GMDS: variants seen among roughly 807,000 people sequenced by gnomAD.
GMDS encodes the protein GDP-mannose 4,6 dehydratase.
In GMDS, 20 loss-of-function variants were observed where a neutral mutation model predicts 49.9. That is an observed-to-expected ratio of 0.40 (90% confidence interval 0.28 to 0.58). The LOEUF (loss-of-function observed/expected upper bound fraction) is 0.58. Among genes scored for constraint, GMDS ranks in the 20% least tolerant of loss-of-function variants. GMDS has a pLI of 0.42. For missense variants in GMDS, 362 were observed against 481.4 expected (o/e 0.75, Z 2.32); for synonymous variants, 177 against 178.6 (o/e 0.99, Z 0.07).
chr6:1,959,270 G>A (rs566686568), intron 6 of GMDS, among the ~76,000 whole-genome samples: 96 of 152,264 alleles, frequency 6.3e-4, no homozygotes, highest in African/African-American at 2.2e-3. Flanking sequence ...TGAGGTGACA[G>A]ATATGCTAAT....
At chr6:2,046,118 T>C (rs1267148456) in intron 4 of GMDS, among the ~76,000 whole-genome samples, 1 of 151,976 alleles carries the variant, frequency 6.6e-6, no homozygotes, top group Non-Finnish European at 1.5e-5. Context: ...GAGGCTGAGG[T>C]GGGAGGATCG....
chr6:1,915,103 C>A (rs541126296), intron 7 of GMDS, among the ~76,000 whole-genome samples: 1 of 152,342 alleles, frequency 6.6e-6, no homozygotes, highest in South Asian at 2.1e-4. Context: ...ACTGTATCTG[C>A]AGAGAATATG....
At chr6:2,218,708 T>C (rs1456123954) in intron 1 of GMDS, among the ~76,000 whole-genome samples, 1 of 152,214 alleles carries the variant, frequency 6.6e-6, no homozygotes, top group African/African-American at 2.4e-5. Context: ...TCTATATATC[T>C]TAATGTGCAT....
chr6:1,821,548 C>T (rs1021797668), intron 7 of GMDS, among the ~76,000 whole-genome samples: 1 of 149,276 alleles, frequency 6.7e-6, no homozygotes, highest in Non-Finnish European at 1.5e-5. Context: ...ACATTCCAAA[C>T]GTTTTAATAT....
At chr6:1,662,727 GA>G (rs1468123176) in intron 9 of GMDS, among the ~76,000 whole-genome samples, 1 of 152,130 alleles carries the variant, frequency 6.6e-6, no homozygotes, top group Non-Finnish European at 1.5e-5. Context: ...AAGATGAGCT[GA>G]AAAAAATCAT....
chr6:2,100,036 A>G (rs189503015), intron 4 of GMDS, among the ~76,000 whole-genome samples: 20 of 152,206 alleles, frequency 1.3e-4, no homozygotes, highest in Admixed American at 1.2e-3. Context: ...CCAAAGCCTC[A>G]CATCCTATTT....
At chr6:1,958,726 C>T (rs1009626420) in intron 6 of GMDS, among the ~76,000 whole-genome samples, 1 of 151,582 alleles carries the variant, frequency 6.6e-6, no homozygotes, top group African/African-American at 2.4e-5. Context: ...TAAAATTTCA[C>T]GGAAAAATTA....
chr6:2,139,444 C>T (rs999824719), intron 1 of GMDS, among the ~76,000 whole-genome samples: 6 of 152,210 alleles, frequency 3.9e-5, no homozygotes, highest in African/African-American at 1.2e-4. Flanking sequence ...CTGCTTCCAT[C>T]TTAAAAATCC....
chr6:2,166,851 C>A (rs1037321147), intron 1 of GMDS, among the ~76,000 whole-genome samples: 1 of 152,194 alleles, frequency 6.6e-6, no homozygotes, highest in Non-Finnish European at 1.5e-5. Context: ...ACCTAGTGAG[C>A]AAAACCCCAA....
rs116299539 is a variant in GMDS at position 1,702,595 on chromosome 6, C to T, written c.987+23821G>A. ...AGAGAGCCTTGGAGAGAAGCCACCA[C>T]GTTGTCCCTCTGTGGGTCCCCCAGC... On this transcript the variant is annotated intron_variant, in intron 9 of 10. Transcript: ENST00000380815. Among the ~76,000 whole-genome samples the T allele has an allele frequency of 2.4e-3, 369 of 152,316 alleles. 1 individual carries two copies. Among genetic ancestry groups the T allele is most frequent in the African/African-American group, 8.4e-3 (348 of 41,568 alleles).
At chr6:1,759,389 A>C (rs866467368) in intron 7 of GMDS, among the ~76,000 whole-genome samples, 17 of 152,244 alleles carry the variant, frequency 1.1e-4, no homozygotes, top group African/African-American at 3.4e-4. Flanking sequence ...TAAGTGTTAG[A>C]GCTGGGGCTG....
chr6:1,743,521 C>T (rs866095891), intron 7 of GMDS, among the ~76,000 whole-genome samples: 79 of 119,174 alleles, frequency 6.6e-4, no homozygotes, highest in African/African-American at 2.2e-3. Flanking sequence ...CCAGCCTGGA[C>T]GACAGAACCA....
chr6:1,898,317 G>A (rs1172253882), intron 7 of GMDS, among the ~76,000 whole-genome samples: 1 of 152,158 alleles, frequency 6.6e-6, no homozygotes, highest in African/African-American at 2.4e-5. Context: ...AAAATTATTT[G>A]GCAATTTAAA....
chr6:1,733,382 G>T (rs1209918278), intron 8 of GMDS, among the ~76,000 whole-genome samples: 7 of 152,196 alleles, frequency 4.6e-5, no homozygotes, highest in Non-Finnish European at 4.4e-5. Context: ...GGTGTCGGGA[G>T]CTGAATGGAT....
chr6:2,042,035 C>T (rs898589881), intron 4 of GMDS, among the ~76,000 whole-genome samples: 2 of 152,078 alleles, frequency 1.3e-5, no homozygotes, highest in African/African-American at 4.8e-5. Context: ...GGTCAAACGC[C>T]CTGATCAATA....
intron 4 of GMDS, among the ~76,000 whole-genome samples, chr6:2,005,088 G>C (rs1349999075): frequency 6.6e-6 from 1 of 152,162 alleles, no homozygotes; most frequent in Non-Finnish European, 1.5e-5. Flanking sequence ...GTTGTAAGTA[G>C]TTCAAACATT....
chr6:2,022,712 T>C (rs111939980), intron 4 of GMDS, among the ~76,000 whole-genome samples: 2,061 of 152,310 alleles, frequency 0.014, 43 homozygotes, highest in Non-Finnish European at 0.015. Context: ...TTCATTCTAT[T>C]GACTGCATAT....
intron 7 of GMDS, among the ~76,000 whole-genome samples, chr6:1,887,419 C>A (rs988687797): frequency 6.6e-5 from 10 of 151,936 alleles, no homozygotes; most frequent in East Asian, 1.9e-4. Flanking sequence ...AGTAAAAAAA[C>A]CCCAAATTTA....
At chr6:1,866,455 A>T (rs1028102889) in intron 7 of GMDS, among the ~76,000 whole-genome samples, 5 of 152,220 alleles carry the variant, frequency 3.3e-5, no homozygotes, top group African/African-American at 1.2e-4. Flanking sequence ...GCAGGTAGTT[A>T]GTAGTGAGTA....
Sources: gnomAD v4.1 joint callset for allele counts (sites outside exome capture counted in the v4.1 genomes callset) on GRCh38, gnomAD v4.1.1 for gene constraint, MANE v1.5 for transcripts, NCBI Gene and HGNC (gene_info 2026-07-23, HGNC 2026-07-21) for gene names.